RASGRP1: variants seen among roughly 807,000 people sequenced by gnomAD.
The protein encoded by RASGRP1 is RAS guanyl-releasing protein 1.
RASGRP1 carries 37 observed loss-of-function variants against 95.1 expected under a neutral mutation model. The observed-to-expected ratio is 0.39, with a 90% CI of 0.30 to 0.51. The LOEUF (loss-of-function observed/expected upper bound fraction) is 0.51, where lower values mean the gene tolerates loss of function less well. Among genes scored for constraint, RASGRP1 ranks in the 20% least tolerant of loss-of-function variants. RASGRP1 has a pLI of 0.80. For missense variants in RASGRP1, 711 were observed against 965.4 expected (o/e 0.74, Z 3.49); for synonymous variants, 325 against 353.4 (o/e 0.92, Z 0.90).
At chr15:38,537,588 G>C (rs1231685492) in intron 2 of RASGRP1, among the ~76,000 whole-genome samples, 1 of 152,104 alleles carries the variant, frequency 6.6e-6, no homozygotes, top group Non-Finnish European at 1.5e-5. Context: ...GCTTCCCAGA[G>C]GGACATATAT....
chr15:38,539,993 T>C lies in RASGRP1; in HGVS notation c.221-13589A>G, dbSNP rs114391708. ...GTGCAGTGGTATAATCATGGCTCAC[T>C]GCACACTTGACTTCCTGGGCTCAAG... On this transcript the variant is annotated intron_variant, in intron 2 of 16. Transcript: ENST00000310803. 2.7e-3 allele frequency among the ~76,000 whole-genome samples: 418 copies of C among 152,300 alleles called. 6 individuals are homozygous for C. Among genetic ancestry groups the C allele is most frequent in the African/African-American group, 9.6e-3 (401 of 41,556 alleles).
chr15:38,542,924 T>TATATACAC (rs1892961109), intron 2 of RASGRP1, among the ~76,000 whole-genome samples: 9 of 145,478 alleles, frequency 6.2e-5, no homozygotes, highest in African/African-American at 2.3e-4. Flanking sequence ...TATGTGTGTA[T>TATATACAC]ATATATGTGT....
chr15:38,551,411 G>A (rs778016780), intron 2 of RASGRP1, among the ~76,000 whole-genome samples: 5 of 152,146 alleles, frequency 3.3e-5, no homozygotes, highest in Non-Finnish European at 4.4e-5. Context: ...CAGTCCAAGC[G>A]CTGTGGTTTT....
At chr15:38,547,765 C>T (rs1462282944) in intron 2 of RASGRP1, among the ~76,000 whole-genome samples, 4 of 152,148 alleles carry the variant, frequency 2.6e-5, no homozygotes, top group Non-Finnish European at 5.9e-5. Context: ...CAAAGACTGC[C>T]ATGTGACGTG....
chr15:38,539,594 A>G (rs1892786763), intron 2 of RASGRP1, among the ~76,000 whole-genome samples: 1 of 150,136 alleles, frequency 6.7e-6, no homozygotes, highest in East Asian at 2.0e-4. Context: ...ATTATACTTT[A>G]AGTTTTAGGG....
chr15:38,542,339 C>A (rs183225343), intron 2 of RASGRP1, among the ~76,000 whole-genome samples: 1 of 151,990 alleles, frequency 6.6e-6, no homozygotes, highest in Non-Finnish European at 1.5e-5. Flanking sequence ...ATTGACTGGC[C>A]TAAACAAAAC....
chr15:38,517,760 A>G (rs1380666677), intron 5 of RASGRP1, among the ~76,000 whole-genome samples: 2 of 152,206 alleles, frequency 1.3e-5, no homozygotes, highest in Non-Finnish European at 2.9e-5. Flanking sequence ...CTAATTAGGA[A>G]AGGCACTCAT....
chr15:38,512,618 C>G (rs1041054967), intron 7 of RASGRP1, among the ~76,000 whole-genome samples, 165 bp downstream of exon 7: 1 of 152,160 alleles, frequency 6.6e-6, no homozygotes, highest in Non-Finnish European at 1.5e-5. Context: ...GAAGAAGAGA[C>G]AAGTCACCAT....
intron 2 of RASGRP1, among the ~76,000 whole-genome samples, chr15:38,558,851 G>A (rs145277063): frequency 5.8e-4 from 88 of 152,232 alleles, no homozygotes; most frequent in Non-Finnish European, 9.7e-4. Flanking sequence ...CCACTAGTCC[G>A]TCATTCTGAG....
intron 2 of RASGRP1, among the ~76,000 whole-genome samples, chr15:38,533,458 G>C (rs1244808737): frequency 6.6e-6 from 1 of 152,122 alleles, no homozygotes; most frequent in Non-Finnish European, 1.5e-5. Context: ...ATTAAATCCT[G>C]TTTGGAGACT....
At chr15:38,492,523 G>A (rs2141072888) in intron 16 of RASGRP1, among the ~76,000 whole-genome samples, 1 of 152,268 alleles carries the variant, frequency 6.6e-6, no homozygotes, top group East Asian at 1.9e-4. Flanking sequence ...TGTTTGCACT[G>A]ACAGGTCTCC....
In RASGRP1 at chr15:38,500,126, A is replaced by AT. The variant is rs758859262; in HGVS notation, c.1696dup (p.Ile566AsnfsTer8). Reference sequence around the variant, plus strand: ...ACCTTTACATCGATATCCTTGTTTGATCACTCCCCAGAGCTATGAAACAAG... The same window carrying AT: ...ACCTTTACATCGATATCCTTGTTTGATTCACTCCCCAGAGCTATGAAACAAG... On this transcript the variant is annotated frameshift_variant, in exon 14 of 17. Coordinates refer to ENST00000310803, the MANE Select transcript of RASGRP1 (RefSeq NM_005739.4). LOFTEE classifies it high-confidence loss of function. 2 of 1,613,242 alleles carry AT rather than the reference A, an allele frequency of 1.2e-6. No homozygotes were observed. Among genetic ancestry groups the AT allele is most frequent in the South Asian group, 2.2e-5 (2 of 91,062 alleles).
intron 2 of RASGRP1, among the ~76,000 whole-genome samples, chr15:38,556,987 T>C (rs1005801235): frequency 3.9e-5 from 6 of 152,174 alleles, no homozygotes; most frequent in Admixed American, 2.0e-4. Flanking sequence ...CAGTTTTTCG[T>C]GGGTTTAAAA....
chr15:38,494,884 G>A, intron 15 of RASGRP1, 117 bp from the exon 16 acceptor site: 1 of 1,010,684 alleles, frequency 9.9e-7, no homozygotes, highest in Admixed American at 3.9e-5. Flanking sequence ...TATGTTCAAA[G>A]AGGACCCATT....
chr15:38,510,090 G>A (rs1230909721), intron 8 of RASGRP1, among the ~76,000 whole-genome samples: 1 of 152,134 alleles, frequency 6.6e-6, no homozygotes, highest in Admixed American at 6.5e-5. Context: ...ATTCCCCTCC[G>A]AAGGTGAAAT....
In RASGRP1 at chr15:38,563,668, TGAATC is replaced by T. The variant is rs546900680; in HGVS notation, c.35+921_35+925del. Among the ~76,000 whole-genome samples the T allele has an allele frequency of 3.1e-3, 470 of 152,320 alleles. 1 individual carries two copies. Among genetic ancestry groups the T allele is most frequent in the African/African-American group, 0.011 (449 of 41,564 alleles). On this transcript the variant is annotated intron_variant, in intron 1 of 16. Coordinates refer to ENST00000310803, the MANE Select transcript of RASGRP1 (RefSeq NM_005739.4). Reference sequence around the variant, plus strand: ...ATTTAATGTACTGAACTCCTCCTTCTGAATCTAGTGCAAAGTACAGTGGTGGACCC... The same window carrying T: ...ATTTAATGTACTGAACTCCTCCTTCTTAGTGCAAAGTACAGTGGTGGACCC...
chr15:38,514,446 GT>G, intron 6 of RASGRP1, among the ~76,000 whole-genome samples: 1 of 151,790 alleles, frequency 6.6e-6, no homozygotes, highest in South Asian at 2.1e-4. Flanking sequence ...AAATCCACTT[GT>G]TTTTTTAAAA....
At chr15:38,504,687 G>A (rs1401610426) in intron 10 of RASGRP1, 2 of 152,170 alleles carry the variant, frequency 1.3e-5, no homozygotes, top group African/African-American at 2.4e-5. Flanking sequence ...TGTATAGTAA[G>A]TGCATAAACC....
rs372593199 is a variant in RASGRP1, at chr15:38,494,597, C to T, written c.2044G>A (p.Gly682Ser). 3.9e-6 allele frequency: 6 copies of T among 1,558,322 alleles called. No individual in the cohort carries two copies. Among genetic ancestry groups the T allele is most frequent in the African/African-American group, 2.8e-5 (2 of 72,568 alleles). ...AAGGGACCTGAAGGGCCCTCACTGC[C>T]AATCCAAGGCTGTGATTCAGTCTGG... ...ATQTESQPWI[G>S]SEGPSGPFVL... Residue 682 changes from glycine (G) to serine (S), a missense_variant, in exon 16 of 17, where the codon GGC becomes AGC. Gly to Ser is a moderately conservative substitution (Grantham distance 56). Transcript: ENST00000310803.
Sources: gnomAD v4.1 joint callset for allele counts (sites outside exome capture counted in the v4.1 genomes callset) on GRCh38, gnomAD v4.1.1 for gene constraint, MANE v1.5 for transcripts, NCBI Gene and HGNC (gene_info 2026-07-23, HGNC 2026-07-21) for gene names.